The following STK33 variants were observed in gnomAD, a reference collection of about 807,000 sequenced individuals.
STK33 encodes the protein serine/threonine-protein kinase 33.
In STK33, 52 loss-of-function variants were observed where a neutral mutation model predicts 58.0. The ratio of observed to expected loss-of-function variants is 0.90; its 90% confidence interval spans 0.72 to 1.13. The LOEUF (loss-of-function observed/expected upper bound fraction) is 1.13. Among genes scored for constraint, STK33 ranks in the 50% most tolerant of loss-of-function variants. The pLI is 0.00. For missense variants in STK33, 630 were observed against 604.2 expected (o/e 1.04, Z -0.45); for synonymous variants, 215 against 200.1 (o/e 1.07, Z -0.63).
At chr11:8,416,142 C>G (rs1941085723) in intron 14 of STK33, among the ~76,000 whole-genome samples, 1 of 152,088 alleles carries the variant, frequency 6.6e-6, no homozygotes, top group Non-Finnish European at 1.5e-5. Context: ...GATGAAAGTG[C>G]AGCAAAGAAA....
intron 1 of STK33, among the ~76,000 whole-genome samples, chr11:8,489,461 T>C (rs1950438576): frequency 6.6e-6 from 1 of 152,126 alleles, no homozygotes; most frequent in Non-Finnish European, 1.5e-5. Flanking sequence ...TTCTAGAGAC[T>C]AGGAAGTCGA....
At chr11:8,445,204 G>C (rs371092340) in intron 11 of STK33, among the ~76,000 whole-genome samples, 1 of 152,288 alleles carries the variant, frequency 6.6e-6, no homozygotes, top group East Asian at 1.9e-4. Context: ...GTCTAGGAAT[G>C]CTTGTGATTT....
intron 1 of STK33, among the ~76,000 whole-genome samples, chr11:8,518,029 C>T (rs1167163486): frequency 6.6e-6 from 1 of 152,088 alleles, no homozygotes; most frequent in East Asian, 1.9e-4. Context: ...AACCCCAAGA[C>T]ACATAATTGT....
chr11:8,536,950 TAAAAAA>T (rs879045592), intron 1 of STK33, among the ~76,000 whole-genome samples: 1 of 86,912 alleles, frequency 1.2e-5, no homozygotes, highest in Non-Finnish European at 2.1e-5. Flanking sequence ...CCCAGCTAAT[TAAAAAA>T]AAAAAAAAAA....
chr11:8,517,604 C>T (rs190732298), intron 1 of STK33, among the ~76,000 whole-genome samples: 25 of 152,244 alleles, frequency 1.6e-4, no homozygotes, highest in Non-Finnish European at 2.4e-4. Context: ...AAAGATTAGA[C>T]GAATGGCTAA....
chr11:8,511,187 C>T (rs547557562), intron 1 of STK33, among the ~76,000 whole-genome samples: 12 of 152,196 alleles, frequency 7.9e-5, no homozygotes, highest in African/African-American at 2.9e-4. Flanking sequence ...TGTAGTTCTC[C>T]TTGTAAAGAT....
intron 1 of STK33, among the ~76,000 whole-genome samples, chr11:8,534,920 G>T (rs539812290): frequency 6.6e-6 from 1 of 152,240 alleles, no homozygotes; most frequent in East Asian, 1.9e-4. Context: ...TAAATTCTAA[G>T]TAAAATGTTT....
At chr11:8,420,828 C>A (rs1479460207) in intron 14 of STK33, among the ~76,000 whole-genome samples, 2 of 152,064 alleles carry the variant, frequency 1.3e-5, no homozygotes, top group Admixed American at 1.3e-4. Flanking sequence ...GATACCCCTA[C>A]TTTACAAAAA....
intron 1 of STK33, among the ~76,000 whole-genome samples, chr11:8,522,766 T>C (rs954772455): frequency 1.3e-5 from 2 of 151,810 alleles, no homozygotes; most frequent in Non-Finnish European, 2.9e-5. Flanking sequence ...CCCTCTCCCT[T>C]TCCCTCTTTC....
At position 8,392,467 on chromosome 11, in the gene STK33, A is replaced by T. The variant is rs982620839; in HGVS notation, c.*43T>A. 1.2e-6 allele frequency: 2 copies of T among 1,609,250 alleles called. No individual in the cohort carries two copies. Among genetic ancestry groups the T allele is most frequent in the African/African-American group, 2.7e-5 (2 of 74,712 alleles). ...CCTACCCCCTCATCAAAGTGCTAAC[A>T]AGAGCAGCTTTGTTTTTGTACTGTC... is the stretch of plus-strand genomic sequence containing the variant. On this transcript the variant is annotated 3_prime_UTR_variant, in exon 16 of 16. Coordinates refer to ENST00000687296, the MANE Select transcript of STK33 (RefSeq NM_001352389.2).
At chr11:8,538,410 C>T (rs549318017) in intron 1 of STK33, among the ~76,000 whole-genome samples, 5 of 152,290 alleles carry the variant, frequency 3.3e-5, no homozygotes, top group South Asian at 4.1e-4. Context: ...TGAATCCAAA[C>T]CGTCTGCCTC....
intron 14 of STK33, among the ~76,000 whole-genome samples, chr11:8,432,301 GGA>G (rs1347629738): frequency 3.3e-5 from 5 of 152,116 alleles, no homozygotes; most frequent in Non-Finnish European, 7.4e-5. Flanking sequence ...GAGACTTGAA[GGA>G]ATACCAAGGC....
At chr11:8,585,458 C>T (rs1284392359) in intron 1 of STK33, among the ~76,000 whole-genome samples, 2 of 151,622 alleles carry the variant, frequency 1.3e-5, no homozygotes, top group African/African-American at 4.8e-5. Context: ...CTCCTGACTT[C>T]AGGTGATCCA....
intron 11 of STK33, among the ~76,000 whole-genome samples, chr11:8,442,444 A>C (rs997969932): frequency 6.6e-6 from 1 of 152,182 alleles, no homozygotes; most frequent in Admixed American, 6.5e-5. Context: ...CATCTTAATT[A>C]TCAGGGGCAT....
intron 1 of STK33, among the ~76,000 whole-genome samples, chr11:8,526,122 G>A (rs1953998858): frequency 6.6e-6 from 1 of 152,136 alleles, no homozygotes; most frequent in South Asian, 2.1e-4. Flanking sequence ...ATTTAGGCCA[G>A]GCATGGTGGC....
At chr11:8,336,717 T>A in the STK33 span, among the ~76,000 whole-genome samples, 1 of 152,196 alleles carries the variant, frequency 6.6e-6, no homozygotes, top group African/African-American at 2.4e-5. Flanking sequence ...TGTAAGCGGA[T>A]AAATTGGATC....
chr11:8,392,748 A>G lies in STK33; in HGVS notation c.1345-38T>C, dbSNP rs368716179. 3.7e-6 allele frequency: 6 copies of G among 1,601,542 alleles called. No homozygotes were observed. The African/African-American group carries it at 6.7e-5, about 18-fold the overall frequency. ...GGTCTTGATTAATTTTCAGACACAA[A>G]GCAATGCACATCAATTCAAAGATGC... On this transcript the variant is annotated intron_variant, in intron 15 of 15. Coordinates refer to ENST00000687296, the MANE Select transcript of STK33 (RefSeq NM_001352389.2).
intron 14 of STK33, among the ~76,000 whole-genome samples, chr11:8,416,450 T>C (rs1209913970): frequency 1.3e-5 from 2 of 152,144 alleles, no homozygotes; most frequent in Non-Finnish European, 2.9e-5. Flanking sequence ...TACATATTTA[T>C]AACCAACAGA....
At chr11:8,406,142 C>CAAAAAA (rs59336494) in intron 15 of STK33, among the ~76,000 whole-genome samples, 6 of 94,700 alleles carry the variant, frequency 6.3e-5, no homozygotes, top group African/African-American at 9.6e-5. Flanking sequence ...GACTCCGTCT[C>CAAAAAA]AAAAAAAAAA....
Sources: gnomAD v4.1 joint callset for allele counts (sites outside exome capture counted in the v4.1 genomes callset) on GRCh38, gnomAD v4.1.1 for gene constraint, MANE v1.5 for transcripts, NCBI Gene and HGNC (gene_info 2026-07-23, HGNC 2026-07-21) for gene names.